Variants in UBXN4 observed in about 807,000 individuals in gnomAD.
The protein encoded by UBXN4 is UBX domain-containing protein 4.
A neutral mutation model predicts 66.2 loss-of-function variants in UBXN4; 35 were observed. The ratio of observed to expected loss-of-function variants is 0.53; its 90% CI spans 0.40 to 0.70. The LOEUF is 0.70. Ranked by LOEUF, UBXN4 falls within the 30% of genes least tolerant of loss-of-function variation. The pLI, the probability that UBXN4 is intolerant of heterozygous loss-of-function variation, is 0.00. For synonymous variants in UBXN4, 203 were observed against 204.5 expected, an observed-to-expected ratio of 0.99 and a Z score of 0.06; for missense variants, 533 against 599.8, an observed-to-expected ratio of 0.89 and a Z score of 1.16.
intron 1 of UBXN4, 97 bp downstream of exon 1, chr2:135,742,108 C>T (rs2077178352): frequency 1.4e-6 from 2 of 1,408,068 alleles, no homozygotes; most frequent in Non-Finnish European, 1.9e-6. Flanking sequence ...CTCCCCGAGA[C>T]GCGGGCTCCT....
At chr2:135,753,876 T>C (rs1474118978) in intron 3 of UBXN4, 1 of 461,894 alleles carries the variant, frequency 2.2e-6, no homozygotes, top group African/African-American at 2.0e-5. Context: ...GTTGGAATGT[T>C]ACAAGTAGCT....
At chr2:135,764,146 A>G (rs1229230905) in intron 6 of UBXN4, among the ~76,000 whole-genome samples, 1 of 152,168 alleles carries the variant, frequency 6.6e-6, no homozygotes, top group Non-Finnish European at 1.5e-5. Flanking sequence ...ATAAAATAAA[A>G]TAAAAAATAA....
At chr2:135,742,352 C>G (rs1360734876) in intron 1 of UBXN4, among the ~76,000 whole-genome samples, 1 of 152,186 alleles carries the variant, frequency 6.6e-6, no homozygotes, top group African/African-American at 2.4e-5. Context: ...CGTCTCCCGG[C>G]AGCCGGGCCG....
In UBXN4 at chr2:135,783,079, G is replaced by C. The variant is rs1248776523; in HGVS notation, c.*192G>C. The C allele has an allele frequency of 2.8e-5, 15 of 540,828 alleles. No individual in the cohort carries two copies. The East Asian group carries it at 3.2e-4, about 11-fold the overall frequency. 33.5% of individuals were successfully genotyped at this position (540,828 alleles called of 1,614,324 possible). On this transcript the variant is annotated 3_prime_UTR_variant, in exon 13 of 13. Transcript: ENST00000272638. Reference sequence around the variant, plus strand: ...AAAGACAGGAAATAACTCTCTGCTAGGTCCTTGCTTATATGGCAACCACTG... The same window carrying C: ...AAAGACAGGAAATAACTCTCTGCTACGTCCTTGCTTATATGGCAACCACTG...
intron 11 of UBXN4, among the ~76,000 whole-genome samples, 197 bp from the exon 12 acceptor site, chr2:135,779,986 T>G (rs1473405910): frequency 6.6e-6 from 1 of 150,468 alleles, no homozygotes; most frequent in African/African-American, 2.4e-5. Context: ...ATATTGTATA[T>G]TTATCTTTAA....
At chr2:135,771,540 C>G (rs1372530764) in intron 8 of UBXN4, among the ~76,000 whole-genome samples, 1 of 152,086 alleles carries the variant, frequency 6.6e-6, no homozygotes, top group African/African-American at 2.4e-5. Flanking sequence ...TTTGGTCAGT[C>G]AACAAGTATT....
chr2:135,767,113 C>T (rs1314025669), intron 6 of UBXN4, among the ~76,000 whole-genome samples: 1 of 152,190 alleles, frequency 6.6e-6, no homozygotes, highest in African/African-American at 2.4e-5. Context: ...GTAATCCCAG[C>T]ACTTTGGGAG....
intron 5 of UBXN4, among the ~76,000 whole-genome samples, chr2:135,757,533 T>TA (rs1263959920): frequency 6.6e-6 from 1 of 152,226 alleles, no homozygotes; most frequent in East Asian, 1.9e-4. Flanking sequence ...ATCTAGCTCA[T>TA]CTGAGGATTG....
chr2:135,764,500 A>G (rs1332501088), intron 6 of UBXN4, among the ~76,000 whole-genome samples: 1 of 151,934 alleles, frequency 6.6e-6, no homozygotes, highest in African/African-American at 2.4e-5. Flanking sequence ...ATGGATATAC[A>G]ATGGTTATTT....
intron 6 of UBXN4, among the ~76,000 whole-genome samples, chr2:135,764,210 G>A (rs959496077): frequency 6.6e-6 from 1 of 152,158 alleles, no homozygotes; most frequent in African/African-American, 2.4e-5. Context: ...GGCTACAGTT[G>A]AAACTGAGAT....
intron 1 of UBXN4, among the ~76,000 whole-genome samples, chr2:135,745,576 T>C (rs1381230414): frequency 6.6e-6 from 1 of 152,168 alleles, no homozygotes; most frequent in African/African-American, 2.4e-5. Flanking sequence ...ACAAAATAAA[T>C]GCAATAAAAT....
chr2:135,768,828 G>A (rs1303296211), intron 6 of UBXN4, among the ~76,000 whole-genome samples: 4 of 151,902 alleles, frequency 2.6e-5, no homozygotes, highest in African/African-American at 9.7e-5. Flanking sequence ...CTCCCAAAGT[G>A]CTGGGATTGA....
chr2:135,753,991 T>G, intron 3 of UBXN4, 168 bp from the exon 4 acceptor site: 3 of 561,516 alleles, frequency 5.3e-6, no homozygotes, highest in South Asian at 2.5e-5. Context: ...ACATGTCACA[T>G]GTATTAATAC....
intron 10 of UBXN4, 140 bp downstream of exon 10, chr2:135,776,491 T>A (rs1381770941): frequency 6.2e-6 from 4 of 641,162 alleles, no homozygotes; most frequent in Admixed American, 5.9e-5. Flanking sequence ...TCTGAGATAT[T>A]GTGGAAATTC....
At position 135,780,165 on chromosome 2, in the gene UBXN4, T is replaced by A; in HGVS notation, c.1186-18T>A. 6.2e-7 allele frequency: 1 copy of A among 1,613,082 alleles called. No individual in the cohort carries two copies. On this transcript the variant is annotated intron_variant, in intron 11 of 12. Coordinates refer to ENST00000272638, the MANE Select transcript of UBXN4 (RefSeq NM_014607.4). ...GTGCTAACGTAGTCTTTATCTAGGT[T>A]TGTTTATTAATTTCTAGGCAGGAAG...
intron 8 of UBXN4, among the ~76,000 whole-genome samples, chr2:135,771,776 T>C (rs976791108): frequency 2.0e-5 from 3 of 152,108 alleles, no homozygotes; most frequent in Non-Finnish European, 2.9e-5. Flanking sequence ...TTGGTCAGGC[T>C]GGTCTGGAAC....
chr2:135,763,031 G>A (rs1050018723), intron 6 of UBXN4, among the ~76,000 whole-genome samples: 5 of 152,140 alleles, frequency 3.3e-5, no homozygotes, highest in African/African-American at 1.2e-4. Context: ...TTATGTAGGG[G>A]AATGTCAGCT....
chr2:135,769,327 G>A (rs866634346), intron 6 of UBXN4, among the ~76,000 whole-genome samples: 2 of 151,704 alleles, frequency 1.3e-5, no homozygotes, highest in South Asian at 4.2e-4. Flanking sequence ...ACTTCTTACA[G>A]TTGAGAATCA....
intron 1 of UBXN4, among the ~76,000 whole-genome samples, chr2:135,743,355 G>T (rs1417613644): frequency 1.3e-5 from 2 of 152,186 alleles, no homozygotes; most frequent in African/African-American, 4.8e-5. Context: ...GAAAAAAATG[G>T]ATTGAAAATG....
Sources: gnomAD v4.1 joint callset for allele counts (sites outside exome capture counted in the v4.1 genomes callset) on GRCh38, gnomAD v4.1.1 for gene constraint, MANE v1.5 for transcripts, NCBI Gene and HGNC (gene_info 2026-07-23, HGNC 2026-07-21) for gene names.